Variants in HMGN5 observed in about 807,000 individuals in gnomAD.
HMGN5 encodes the protein high mobility group nucleosome-binding domain-containing protein 5.
In HMGN5, 4 loss-of-function variants were observed where a neutral mutation model predicts 9.5. That is an observed-to-expected ratio of 0.42 (90% CI 0.21 to 0.96). The LOEUF (loss-of-function observed/expected upper bound fraction) is 0.96, where lower values mean the gene tolerates loss of function less well. Ranked by LOEUF, HMGN5 falls within the 40% of genes least tolerant of loss-of-function variation. The pLI is 0.30. For missense variants in HMGN5, 192 were observed against 187.5 expected, an observed-to-expected ratio of 1.02 and a Z score of -0.14; for synonymous variants, 55 against 57.1, an observed-to-expected ratio of 0.96 and a Z score of 0.16.
At chrX:81,162,626 C>T (rs900387674) in intron 1 of HMGN5, among the ~76,000 whole-genome samples, 8 of 111,336 alleles carry the variant, frequency 7.2e-5, no homozygotes, top group African/African-American at 2.6e-4. Flanking sequence ...AGGCCTGGCC[C>T]CATAATTTTA....
At chrX:81,189,403 G>A (rs12388406) in intron 1 of HMGN5, among the ~76,000 whole-genome samples, 2,151 of 111,407 alleles carry the variant, frequency 0.019, 48 homozygotes, top group African/African-American at 0.066. Context: ...CCTACCCCCA[G>A]CCCCTGGAAG....
At chrX:81,141,486 G>GAGAGAGAGAGAA (rs1424415933) in intron 1 of HMGN5, among the ~76,000 whole-genome samples, 9 of 109,696 alleles carry the variant, frequency 8.2e-5, no homozygotes, top group African/African-American at 2.7e-4. Context: ...GAGAGAGAGA[G>GAGAGAGAGAGAA]AGAGAAAGAG....
intron 1 of HMGN5, among the ~76,000 whole-genome samples, chrX:81,148,407 T>C (rs1325260918): frequency 9.0e-6 from 1 of 111,674 alleles, no homozygotes; most frequent in Non-Finnish European, 1.9e-5. Context: ...ATAAATGGTG[T>C]TGGGAGAACT....
At chrX:81,118,397 C>A in intron 5 of HMGN5, 35 bp downstream of exon 5, 3 of 975,092 alleles carry the variant, frequency 3.1e-6, no homozygotes, top group African/African-American at 2.0e-5. Context: ...AAAAAAAAAG[C>A]AAATTTATTT....
chrX:81,119,978 A>C (rs1328417744), intron 2 of HMGN5, among the ~76,000 whole-genome samples, 161 bp from the exon 3 acceptor site: 1 of 112,509 alleles, frequency 8.9e-6, no homozygotes, highest in Non-Finnish European at 1.9e-5. Context: ...ACCATGCTAC[A>C]TACTGCTGTT....
At chrX:81,176,318 GAT>G (rs2075441528) in intron 1 of HMGN5, among the ~76,000 whole-genome samples, 1 of 111,939 alleles carries the variant, frequency 8.9e-6, no homozygotes, top group African/African-American at 3.2e-5. Flanking sequence ...AAACCACAAA[GAT>G]AGGGAGAAAC....
intron 1 of HMGN5, among the ~76,000 whole-genome samples, chrX:81,135,951 G>A (rs1270631842): frequency 9.0e-6 from 1 of 110,972 alleles, no homozygotes; most frequent in Non-Finnish European, 1.9e-5. Context: ...AACAGGTTGT[G>A]TTATAAAACG....
In HMGN5 at chrX:81,116,297, T is replaced by C. The variant is rs2075253376; in HGVS notation, c.174A>G (p.Thr58=). ...TGGTTTCAGCAACTGCTTGGGCACT[T>C]GTATCTATGTTTTCTTCCATCATAT... ...KSDMMEENID[T]SAQAVAETKQ... is the part of the protein sequence containing the mutation. Residue 58 remains threonine (T), a synonymous_variant, in exon 6 of 7, where the codon ACA becomes ACG. Coordinates refer to ENST00000358130, the MANE Select transcript of HMGN5 (RefSeq NM_030763.3). The C allele has an allele frequency of 8.4e-7, 1 of 1,190,849 alleles. No homozygotes were observed. Among genetic ancestry groups the C allele is most frequent in the Non-Finnish European group, 1.1e-6 (1 of 878,934 alleles).
At chrX:81,142,786 A>G (rs1189642297) in intron 1 of HMGN5, among the ~76,000 whole-genome samples, 1 of 111,988 alleles carries the variant, frequency 8.9e-6, no homozygotes, top group Non-Finnish European at 1.9e-5. Flanking sequence ...CTGAAGGTAC[A>G]TATCTCACTG....
chrX:81,113,922 T>C lies in HMGN5; in HGVS notation c.*727A>G, dbSNP rs1428062244. Reference sequence around the variant, plus strand: ...CTGACAACCATTGAATTATATACTTTATTTTTATTATAATTAAAATGGTGA... The same window carrying C: ...CTGACAACCATTGAATTATATACTTCATTTTTATTATAATTAAAATGGTGA... On this transcript the variant is annotated 3_prime_UTR_variant, in exon 7 of 7. Transcript: ENST00000358130. 1 of 112,041 alleles carries C rather than the reference T, an allele frequency of 8.9e-6. No homozygotes were observed. Among genetic ancestry groups the C allele is most frequent in the Admixed American group, 9.5e-5 (1 of 10,499 alleles). 9.2% of individuals were successfully genotyped at this position (112,041 alleles called of 1,213,427 possible).
chrX:81,131,243 A>G (rs1442755242), intron 1 of HMGN5, among the ~76,000 whole-genome samples: 1 of 111,820 alleles, frequency 8.9e-6, no homozygotes, highest in Non-Finnish European at 1.9e-5. Flanking sequence ...TTGCTCTATT[A>G]GCAATACTGG....
At chrX:81,172,188 G>C (rs1374811238) in intron 1 of HMGN5, among the ~76,000 whole-genome samples, 1 of 110,815 alleles carries the variant, frequency 9.0e-6, no homozygotes, top group Non-Finnish European at 1.9e-5. Context: ...ACAATAGAGA[G>C]AAAAACAGGG....
intron 1 of HMGN5, among the ~76,000 whole-genome samples, chrX:81,159,055 A>G (rs1323454258): frequency 2.7e-5 from 3 of 111,845 alleles, no homozygotes; most frequent in Non-Finnish European, 5.6e-5. Context: ...ATGCAGCTAT[A>G]AAAAGGAATG....
chrX:81,121,512 G>A (rs753015122), intron 2 of HMGN5, 23 bp downstream of exon 2: 1 of 1,189,310 alleles, frequency 8.4e-7, no homozygotes, highest in Non-Finnish European at 1.1e-6. Context: ...CTCATTCCCC[G>A]TCTGTCTTTC....
chrX:81,175,879 C>G, intron 1 of HMGN5, among the ~76,000 whole-genome samples: 1 of 111,876 alleles, frequency 8.9e-6, no homozygotes. Context: ...ACCCAGAACA[C>G]GGGTGATTTC....
At chrX:81,143,977 G>GA (rs1264459104) in intron 1 of HMGN5, among the ~76,000 whole-genome samples, 1 of 111,751 alleles carries the variant, frequency 8.9e-6, no homozygotes, top group African/African-American at 3.3e-5. Flanking sequence ...GGTCATCTCT[G>GA]AAAAAAAGGC....
chrX:81,173,274 A>C (rs375517599), intron 1 of HMGN5, among the ~76,000 whole-genome samples: 9 of 111,376 alleles, frequency 8.1e-5, no homozygotes, highest in African/African-American at 2.9e-4. Flanking sequence ...AAAAGCAAGG[A>C]AAGGTAGAGT....
intron 1 of HMGN5, among the ~76,000 whole-genome samples, chrX:81,155,640 GA>G (rs977547911): frequency 9.0e-6 from 1 of 111,354 alleles, no homozygotes; most frequent in South Asian, 3.7e-4. Flanking sequence ...TAAGTCGAGT[GA>G]AAAAAACCAA....
chrX:81,140,432 C>T (rs1438086639), intron 1 of HMGN5, among the ~76,000 whole-genome samples: 2 of 109,351 alleles, frequency 1.8e-5, no homozygotes, highest in Non-Finnish European at 3.8e-5. Flanking sequence ...TGGTGGCGGG[C>T]GCCTGTAGTC....
Sources: allele counts gnomAD v4.1 joint callset (sites outside exome capture counted in the v4.1 genomes callset), GRCh38; gene constraint gnomAD v4.1.1; transcripts MANE v1.5; gene names NCBI Gene and HGNC (gene_info 2026-07-23, HGNC 2026-07-21).